The following RCOR1 variants were observed in gnomAD, a reference collection of about 807,000 sequenced individuals.
RCOR1 encodes REST corepressor.
RCOR1 carries 12 observed loss-of-function variants against 64.0 expected under a neutral mutation model. The observed-to-expected ratio is 0.19, with a 90% CI of 0.12 to 0.30. The LOEUF (loss-of-function observed/expected upper bound fraction) is 0.30, where lower values mean the gene tolerates loss of function less well. Ranked by LOEUF, RCOR1 falls within the 10% of genes least tolerant of loss-of-function variation. The probability of loss-of-function intolerance (pLI) is 1.00; values close to 1 mark genes in which losing one functional copy is unlikely to be tolerated. For missense variants in RCOR1, 502 were observed against 621.2 expected (o/e 0.81, Z 2.04); for synonymous variants, 279 against 227.2 (o/e 1.23, Z -2.05).
At chr14:102,659,180 T>G in intron 2 of RCOR1, 5 of 984,788 alleles carry the variant, frequency 5.1e-6, no homozygotes, top group Non-Finnish European at 6.0e-6. Flanking sequence ...GCTCTTTAGA[T>G]AAAATCTCCA....
chr14:102,655,441 ATTTGCTTTTGTT>A, intron 2 of RCOR1: 13 of 984,484 alleles, frequency 1.3e-5, no homozygotes, highest in Non-Finnish European at 1.6e-5. Context: ...ATGTTTTATA[ATTTGCTTTTGTT>A]TTTGCTTTAT....
intron 3 of RCOR1, among the ~76,000 whole-genome samples, chr14:102,691,389 C>T (rs1895530500): frequency 6.6e-6 from 1 of 152,100 alleles, no homozygotes; most frequent in Non-Finnish European, 1.5e-5. Context: ...TACCCCAGAC[C>T]TCAGCATCAC....
At chr14:102,697,442 T>A (rs1358656310) in intron 3 of RCOR1, among the ~76,000 whole-genome samples, 1 of 152,214 alleles carries the variant, frequency 6.6e-6, no homozygotes, top group Non-Finnish European at 1.5e-5. Flanking sequence ...ATGTTGACAT[T>A]GTACATAATA....
chr14:102,654,791 T>G (rs571885375), intron 2 of RCOR1, among the ~76,000 whole-genome samples: 17 of 150,176 alleles, frequency 1.1e-4, no homozygotes, highest in African/African-American at 2.5e-4. Context: ...GTTGAGTTTT[T>G]TTTTTTTTTT....
At position 102,593,045 on chromosome 14, in the gene RCOR1, AGCCTCGGCCGCCGCC is replaced by A. The variant is rs1264215814; in HGVS notation, c.165_179del (p.Ser60_Ala64del). 3.7e-6 allele frequency: 5 copies of A among 1,352,744 alleles called. No homozygotes were observed. The highest frequency in any genetic ancestry group is 3.3e-5 in the East Asian group (1 of 30,704). The allele number at this position is 1,352,744 out of a possible 1,614,324, so 83.8% of individuals were successfully genotyped here. On this transcript the variant is annotated inframe_deletion, in exon 1 of 12. Transcript: ENST00000262241. The stretch of plus-strand genomic sequence containing the variant: ...CCGCCTCGGGCGCCGCCGCCTCCTC[AGCCTCGGCCGCCGCC>A]GCCTCAGCCGCCGCCGCCCCCAATA...
At chr14:102,637,621 T>C (rs1367358608) in intron 2 of RCOR1, among the ~76,000 whole-genome samples, 3 of 151,966 alleles carry the variant, frequency 2.0e-5, no homozygotes, top group Non-Finnish European at 4.4e-5. Flanking sequence ...TAATGTTTAG[T>C]ATTTTTTTGT....
intron 2 of RCOR1, among the ~76,000 whole-genome samples, chr14:102,632,811 CTCTT>C (rs1376465028): frequency 8.5e-6 from 1 of 118,208 alleles, no homozygotes; most frequent in African/African-American, 3.2e-5. Flanking sequence ...CTCTCCTCTC[CTCTT>C]TCTTTTCTTT....
At chr14:102,724,193 A>G (rs574464831) in intron 11 of RCOR1, among the ~76,000 whole-genome samples, 1 of 152,030 alleles carries the variant, frequency 6.6e-6, no homozygotes, top group Admixed American at 6.6e-5. Flanking sequence ...CCATGTCTCT[A>G]TTTACCCAGC....
chr14:102,670,757 A>G (rs1000659124), intron 2 of RCOR1, among the ~76,000 whole-genome samples: 3 of 139,642 alleles, frequency 2.1e-5, no homozygotes, highest in Non-Finnish European at 3.1e-5. Flanking sequence ...ATATATATAT[A>G]TTTATTTATT....
chr14:102,683,020 A>G (rs1376694010), intron 3 of RCOR1, among the ~76,000 whole-genome samples: 2 of 152,066 alleles, frequency 1.3e-5, no homozygotes, highest in African/African-American at 4.8e-5. Context: ...CACTTTTCCT[A>G]TTGTATTGCT....
intron 2 of RCOR1, among the ~76,000 whole-genome samples, chr14:102,648,971 AATAG>A (rs1354967611): frequency 6.6e-6 from 1 of 152,188 alleles, no homozygotes; most frequent in Admixed American, 6.5e-5. Context: ...ATAAACAACC[AATAG>A]ATAGCCTGAT....
At chr14:102,708,424 A>G in intron 5 of RCOR1, 41 bp from the exon 6 acceptor site, 1 of 1,143,592 alleles carries the variant, frequency 8.7e-7, no homozygotes, top group South Asian at 1.2e-5. Context: ...TTTAAAGATT[A>G]CTTTTTTATT....
intron 2 of RCOR1, among the ~76,000 whole-genome samples, chr14:102,615,128 G>GGC (rs1567408575): frequency 6.8e-5 from 9 of 132,486 alleles, no homozygotes; most frequent in Admixed American, 1.6e-4. Context: ...ATAGTGCCCG[G>GGC]CCCCCCCGCC....
In RCOR1 at chr14:102,694,989, A is replaced by T. The variant is rs559002041; in HGVS notation, c.446-6289A>T. Among the ~76,000 whole-genome samples, 7 of 152,378 alleles carry T rather than the reference A, an allele frequency of 4.6e-5. 1 individual carries two copies. In the South Asian group the frequency reaches 1.4e-3, roughly 32 times the overall value. On this transcript the variant is annotated intron_variant, in intron 3 of 11. Coordinates refer to ENST00000262241, the MANE Select transcript of RCOR1 (RefSeq NM_015156.4). ...CTCTAAGAAGGCTATAAGCCTTGTC[A>T]TCAGCCCACCATATGGTGCCAGCCT...
At chr14:102,669,178 A>G (rs140520538) in intron 2 of RCOR1, among the ~76,000 whole-genome samples, 3,551 of 152,140 alleles carry the variant, frequency 0.023, 133 homozygotes, top group African/African-American at 0.076. Context: ...GCGTGGTGGC[A>G]CATTCCTGTA....
intron 2 of RCOR1, among the ~76,000 whole-genome samples, chr14:102,653,595 T>TC (rs1420049955): frequency 6.6e-6 from 1 of 152,096 alleles, no homozygotes; most frequent in African/African-American, 2.4e-5. Context: ...CGAATTGTCA[T>TC]CCCCAGTGTT....
intron 11 of RCOR1, among the ~76,000 whole-genome samples, chr14:102,725,491 C>T (rs932567190): frequency 7.2e-5 from 11 of 152,290 alleles, no homozygotes; most frequent in African/African-American, 2.6e-4. Flanking sequence ...GGGTGCTGAA[C>T]GGGCTGGGTG....
At chr14:102,596,335 G>A (rs558905536) in intron 2 of RCOR1, among the ~76,000 whole-genome samples, 4 of 152,058 alleles carry the variant, frequency 2.6e-5, no homozygotes, top group South Asian at 2.1e-4. Context: ...ACTCCTGAAC[G>A]CAGGTGATCC....
intron 2 of RCOR1, among the ~76,000 whole-genome samples, chr14:102,625,035 T>TAA (rs149082514): frequency 2.0e-5 from 3 of 149,554 alleles, no homozygotes; most frequent in African/African-American, 7.4e-5. Flanking sequence ...CCTGGCTAAT[T>TAA]AAAAAAGAAA....
Sources: allele counts gnomAD v4.1 joint callset (sites outside exome capture counted in the v4.1 genomes callset), GRCh38; gene constraint gnomAD v4.1.1; transcripts MANE v1.5; gene names NCBI Gene and HGNC (gene_info 2026-07-23, HGNC 2026-07-21).